TOX3: variants seen among roughly 807,000 people sequenced by gnomAD.
The protein encoded by TOX3 is TOX high mobility group box family member 3.
Under a neutral mutation model 64.3 loss-of-function variants are expected in TOX3, and 22 were observed. The ratio of observed to expected loss-of-function variants is 0.34; its 90% CI spans 0.24 to 0.49. The LOEUF (loss-of-function observed/expected upper bound fraction) is 0.49. Ranked by LOEUF, TOX3 falls within the 20% of genes least tolerant of loss-of-function variation. The pLI is 0.99. For missense variants in TOX3, 661 were observed against 714.4 expected (o/e 0.93, Z 0.85); for synonymous variants, 291 against 273.6 (o/e 1.06, Z -0.63).
intron 1 of TOX3, among the ~76,000 whole-genome samples, chr16:52,493,242 G>T (rs1330243718): frequency 6.6e-6 from 1 of 152,146 alleles, no homozygotes. Context: ...GTAACACTGA[G>T]AACTCTTTCA....
At chr16:52,515,967 TTGTG>T (rs3086690) in intron 1 of TOX3, among the ~76,000 whole-genome samples, 20 of 149,598 alleles carry the variant, frequency 1.3e-4, no homozygotes, top group South Asian at 4.2e-4. Context: ...AAATGTGTGC[TTGTG>T]TGTGTGTGTG....
chr16:52,543,352 T>C (rs1486591998), intron 1 of TOX3, among the ~76,000 whole-genome samples: 1 of 152,218 alleles, frequency 6.6e-6, no homozygotes, highest in African/African-American at 2.4e-5. Context: ...GAGCATTTCC[T>C]TTGACTGTCA....
chr16:52,546,626 A>C lies in TOX3; in HGVS notation c.87+11T>G. The C allele has an allele frequency of 6.5e-7, 1 of 1,535,606 alleles. No homozygotes were observed. On this transcript the variant is annotated intron_variant, in intron 1 of 6. Coordinates refer to ENST00000219746, the MANE Select transcript of TOX3 (RefSeq NM_001080430.4). ...CCCCCGCCCCCCGGCCCACCGGCCC[A>C]GCCCGGTCACCTTGCTGTAGCCGTA... is the stretch of plus-strand genomic sequence containing the variant.
At chr16:52,464,944 AT>A (rs931067383) in intron 2 of TOX3, among the ~76,000 whole-genome samples, 2 of 144,640 alleles carry the variant, frequency 1.4e-5, no homozygotes, top group African/African-American at 2.5e-5. Context: ...ACTAGATTTG[AT>A]GCTGTTCGCT....
intron 1 of TOX3, among the ~76,000 whole-genome samples, chr16:52,533,775 A>C (rs1413178879): frequency 6.6e-6 from 1 of 152,240 alleles, no homozygotes; most frequent in African/African-American, 2.4e-5. Flanking sequence ...CTCAAAGCGA[A>C]GACTGGAAAA....
chr16:52,537,687 C>T lies in TOX3; in HGVS notation c.87+8950G>A, dbSNP rs145477161. On this transcript the variant is annotated intron_variant, in intron 1 of 6. Transcript: ENST00000219746. ...AGAAGATGACAGTGTCCAGCTCCCC[C>T]ACTGGTATGCCTACGTGGCTACGAG... is the stretch of plus-strand genomic sequence containing the variant. 2.0e-3 allele frequency among the ~76,000 whole-genome samples: 306 copies of T among 152,160 alleles called. 4 individuals are homozygous for T. Among genetic ancestry groups the T allele is most frequent in the Middle Eastern group, 0.017 (5 of 294 alleles).
chr16:52,536,014 A>C (rs543771263), intron 1 of TOX3, among the ~76,000 whole-genome samples: 1 of 152,312 alleles, frequency 6.6e-6, no homozygotes, highest in South Asian at 2.1e-4. Flanking sequence ...ATTCACTCAA[A>C]TACTAAACTA....
intron 6 of TOX3, 53 bp from the exon 7 acceptor site, chr16:52,440,021 A>G (rs1407106522): frequency 4.4e-5 from 60 of 1,372,398 alleles, no homozygotes; most frequent in Non-Finnish European, 5.8e-5. Context: ...AGTATTTAAA[A>G]TATTTAAGCA....
intron 1 of TOX3, among the ~76,000 whole-genome samples, chr16:52,471,432 C>T (rs1490299477): frequency 2.0e-5 from 3 of 152,108 alleles, no homozygotes; most frequent in African/African-American, 7.2e-5. Flanking sequence ...ATATAATGAC[C>T]TCAGAACAAT....
chr16:52,508,471 G>C (rs1315629393), intron 1 of TOX3, among the ~76,000 whole-genome samples: 1 of 152,098 alleles, frequency 6.6e-6, no homozygotes, highest in Non-Finnish European at 1.5e-5. Flanking sequence ...CAAACCAAAA[G>C]AAAGACACCT....
intron 1 of TOX3, among the ~76,000 whole-genome samples, chr16:52,524,634 C>T (rs546067249): frequency 4.5e-4 from 69 of 152,290 alleles, no homozygotes; most frequent in African/African-American, 1.6e-3. Context: ...AACACGGCCA[C>T]TCCTCCCTCT....
At chr16:52,463,283 G>A (rs1199763668) in intron 3 of TOX3, among the ~76,000 whole-genome samples, 1 of 152,106 alleles carries the variant, frequency 6.6e-6, no homozygotes, top group Non-Finnish European at 1.5e-5. Context: ...AAATACTTAA[G>A]CAGATTTACT....
intron 1 of TOX3, among the ~76,000 whole-genome samples, chr16:52,500,241 A>C (rs1961965122): frequency 6.6e-6 from 1 of 152,226 alleles, no homozygotes; most frequent in Non-Finnish European, 1.5e-5. Flanking sequence ...TTAAACATTT[A>C]GGTTATTAGA....
At position 52,440,752 on chromosome 16, in the gene TOX3, C is replaced by CTTTTT. The variant is rs60615310; in HGVS notation, c.988-789_988-785dup. Among the ~76,000 whole-genome samples the CTTTTT allele has an allele frequency of 3.9e-3, 257 of 66,616 alleles. 3 individuals carry two copies. Among genetic ancestry groups the CTTTTT allele is most frequent in the African/African-American group, 7.4e-3 (151 of 20,504 alleles). 43.7% of individuals were successfully genotyped at this position (66,616 alleles called of 152,430 possible). ...GGTTATATGGTATTTTTCTTTCTTTCTTTTTTTTTTTTTTTTTTTTTTTTT... is the reference window on the plus strand; with the variant it reads ...GGTTATATGGTATTTTTCTTTCTTTCTTTTTTTTTTTTTTTTTTTTTTTTTTTTTT... On this transcript the variant is annotated intron_variant, in intron 6 of 6. Transcript: ENST00000219746.
intron 3 of TOX3, among the ~76,000 whole-genome samples, chr16:52,462,659 T>G (rs1281858046): frequency 6.6e-6 from 1 of 152,116 alleles, no homozygotes; most frequent in African/African-American, 2.4e-5. Context: ...TTATTTTTAT[T>G]CTTTTCTAAG....
chr16:52,456,194 G>A lies in TOX3; in HGVS notation c.409-5648C>T, dbSNP rs145181522. On this transcript the variant is annotated intron_variant, in intron 3 of 6. Transcript: ENST00000219746. Reference sequence around the variant, plus strand: ...GGCTGCCATTGAAAGTTTAAAGCATGGTATATATCTGGTGGGACTATTCAT... The same window carrying A: ...GGCTGCCATTGAAAGTTTAAAGCATAGTATATATCTGGTGGGACTATTCAT... Among the ~76,000 whole-genome samples the A allele has an allele frequency of 4.5e-3, 683 of 152,230 alleles. 6 individuals are homozygous for A. The highest frequency in any genetic ancestry group is 0.016 in the African/African-American group (644 of 41,542).
intron 1 of TOX3, among the ~76,000 whole-genome samples, chr16:52,487,032 C>T (rs1961550989): frequency 6.6e-6 from 1 of 151,874 alleles, no homozygotes; most frequent in Non-Finnish European, 1.5e-5. Context: ...AGCATTATGC[C>T]CCTAGCATAT....
chr16:52,474,841 GC>G (rs1961161182), intron 1 of TOX3, among the ~76,000 whole-genome samples: 1 of 152,034 alleles, frequency 6.6e-6, no homozygotes, highest in Non-Finnish European at 1.5e-5. Context: ...CAAGGGAGAT[GC>G]CCAATCCTTA....
rs1004566157 is a variant in TOX3 at position 52,444,143 on chromosome 16, G to A, written c.987+133C>T. The A allele has an allele frequency of 2.4e-5, 14 of 591,558 alleles. 1 individual carries two copies. Among genetic ancestry groups the A allele is most frequent in the Middle Eastern group, 3.3e-4 (1 of 3,048 alleles). 36.6% of individuals were successfully genotyped at this position (591,558 alleles called of 1,614,324 possible). Reference sequence around the variant, plus strand: ...CACTTGGGTAATCTCTAATGGAAACGCCTAAGTTTACAAGTTGTTCAAGAT... The same window carrying A: ...CACTTGGGTAATCTCTAATGGAAACACCTAAGTTTACAAGTTGTTCAAGAT... On this transcript the variant is annotated intron_variant, in intron 6 of 6. Coordinates refer to ENST00000219746, the MANE Select transcript of TOX3 (RefSeq NM_001080430.4).
Sources: allele counts gnomAD v4.1 joint callset (sites outside exome capture counted in the v4.1 genomes callset), GRCh38; gene constraint gnomAD v4.1.1; transcripts MANE v1.5; gene names NCBI Gene and HGNC (gene_info 2026-07-23, HGNC 2026-07-21).